The following ANKRD36 variants were observed in gnomAD, a reference collection of about 807,000 sequenced individuals.
ANKRD36 encodes ankyrin repeat domain-containing protein 36A.
A neutral mutation model predicts 278.1 loss-of-function variants in ANKRD36; 179 were observed. The observed-to-expected ratio is 0.64, with a 90% CI of 0.57 to 0.73. The LOEUF (loss-of-function observed/expected upper bound fraction) is 0.73, where lower values mean the gene tolerates loss of function less well. Among genes scored for constraint, ANKRD36 ranks in the 30% least tolerant of loss-of-function variants. The pLI, the probability that ANKRD36 is intolerant of heterozygous loss-of-function variation, is 0.00. For missense variants in ANKRD36, 1,159 were observed against 1,956.7 expected (o/e 0.59, Z 7.69); for synonymous variants, 320 against 641.1 (o/e 0.50, Z 7.57).
intron 15 of ANKRD36, among the ~76,000 whole-genome samples, chr2:97,157,133 C>CTCTCTG (rs1553602349): frequency 2.1e-3 from 303 of 142,894 alleles, no homozygotes; most frequent in African/African-American, 3.6e-3. Flanking sequence ...TTTTTTTCCT[C>CTCTCTG]TCTCTCTCTC....
intron 66 of ANKRD36, among the ~76,000 whole-genome samples, chr2:97,220,773 T>TTA (rs1352758805): frequency 1.8e-5 from 2 of 111,160 alleles, no homozygotes; most frequent in Non-Finnish European, 3.3e-5. Context: ...TTTTTTTTTT[T>TTA]AATTTTTTTT....
chr2:97,182,857 C>T (rs954369039), intron 26 of ANKRD36, among the ~76,000 whole-genome samples: 7 of 151,714 alleles, frequency 4.6e-5, no homozygotes, highest in East Asian at 1.9e-4. Context: ...AATGTAGGCA[C>T]ATTATTACAC....
chr2:97,211,029 A>G (rs1274560829), intron 56 of ANKRD36, among the ~76,000 whole-genome samples: 1 of 151,902 alleles, frequency 6.6e-6, no homozygotes, highest in Non-Finnish European at 1.5e-5. Context: ...TGATCAATTT[A>G]GGACACTTCC....
intron 6 of ANKRD36, among the ~76,000 whole-genome samples, chr2:97,131,510 T>A (rs2040144516): frequency 1.3e-5 from 2 of 152,074 alleles, no homozygotes. Context: ...TAACTTCCTT[T>A]ATTCCCCAAA....
intron 12 of ANKRD36, 74 bp from the exon 13 acceptor site, chr2:97,151,805 T>C (rs981460254): frequency 1.0e-6 from 1 of 965,208 alleles, no homozygotes; most frequent in Non-Finnish European, 1.6e-6. Context: ...TGTTAGATCA[T>C]GTAGTAATGG....
chr2:97,149,273 G>A (rs1404895558), intron 11 of ANKRD36, 22 bp from the exon 12 acceptor site: 23 of 1,527,418 alleles, frequency 1.5e-5, no homozygotes, highest in Non-Finnish European at 1.9e-5. Context: ...GCTCATTTTT[G>A]TAATATCTTT....
intron 52 of ANKRD36, among the ~76,000 whole-genome samples, chr2:97,206,411 T>G (rs13028622): frequency 0.59 from 89,809 of 151,122 alleles, 30,408 homozygotes; most frequent in Non-Finnish European, 0.78. Context: ...AGCATAGTTT[T>G]GCTTTAATCC....
Position 97,124,500 on chromosome 2 carries a change from A to G in ANKRD36, c.634A>G (p.Ile212Val), listed in dbSNP as rs1316226168. Residue 212 changes from isoleucine (I) to valine (V), a missense_variant, in exon 5 of 76, where the codon ATA becomes GTA. Transcript: ENST00000420699. ...TGCTGTTACTCTTGGAGAAAAAGATATAGTCATTCTTCTTCTGCAGCACAA... is the reference window on the plus strand; with the variant it reads ...TGCTGTTACTCTTGGAGAAAAAGATGTAGTCATTCTTCTTCTGCAGCACAA... Reference protein sequence around the residue: ...IHAVTLGEKDIVILLLQHNID... With the variant: ...IHAVTLGEKDVVILLLQHNID... 3 of 1,551,898 alleles carry G rather than the reference A, an allele frequency of 1.9e-6. No individual in the cohort carries two copies. Among genetic ancestry groups the G allele is most frequent in the East Asian group, 2.4e-5 (1 of 41,140 alleles).
chr2:97,221,736 C>T (rs1456474840), intron 66 of ANKRD36, among the ~76,000 whole-genome samples: 1 of 150,322 alleles, frequency 6.7e-6, no homozygotes, highest in South Asian at 2.2e-4. Flanking sequence ...GTTGCCTGTT[C>T]ACTCGGATGG....
chr2:97,191,283 T>G, intron 36 of ANKRD36, 102 bp downstream of exon 36: 1 of 1,276,832 alleles, frequency 7.8e-7, no homozygotes, highest in Non-Finnish European at 1.1e-6. Context: ...CTGCACATTA[T>G]CATTCAGCTG....
rs1574948372 is a variant in ANKRD36, at chr2:97,149,412, T to C, written c.1101+51T>C. The C allele has an allele frequency of 1.2e-5, 17 of 1,417,450 alleles. No individual in the cohort carries two copies. In the East Asian group the frequency reaches 4.4e-4, roughly 37 times the overall value. 87.8% of individuals were successfully genotyped at this position (1,417,450 alleles called of 1,614,324 possible). A position where few individuals can be genotyped will look rare whatever the true frequency, so the allele number is the denominator to read the frequency against. On this transcript the variant is annotated intron_variant, in intron 12 of 75. Coordinates refer to ENST00000420699, the MANE Select transcript of ANKRD36 (RefSeq NM_001354587.1). ...TTTTCTCCCTCTGAATCTCATTTTT[T>C]ATATTATTTTCTTCTAAAACTTAGC...
chr2:97,157,342 A>G (rs1369739810), intron 15 of ANKRD36, among the ~76,000 whole-genome samples: 9 of 151,258 alleles, frequency 6.0e-5, no homozygotes, highest in African/African-American at 2.2e-4. Flanking sequence ...CTCATATTTG[A>G]TTGACTGGTC....
chr2:97,124,398 A>G, intron 4 of ANKRD36, 62 bp from the exon 5 acceptor site: 1 of 1,503,558 alleles, frequency 6.7e-7, no homozygotes, highest in Non-Finnish European at 8.9e-7. Context: ...AAGTTGATAA[A>G]GTATATAAAC....
chr2:97,195,084 A>G (rs1330342931), intron 40 of ANKRD36, among the ~76,000 whole-genome samples, 167 bp downstream of exon 40: 9 of 151,992 alleles, frequency 5.9e-5, no homozygotes, highest in Non-Finnish European at 1.0e-4. Flanking sequence ...CTGGTCTGGA[A>G]CATGATCTTC....
intron 67 of ANKRD36, among the ~76,000 whole-genome samples, chr2:97,229,925 G>C (rs1356389927): frequency 1.3e-5 from 2 of 152,010 alleles, no homozygotes; most frequent in Non-Finnish European, 2.9e-5. Context: ...ATGAAATTCT[G>C]GGTTGAAAAT....
intron 48 of ANKRD36, among the ~76,000 whole-genome samples, chr2:97,203,333 A>G (rs1290392819): frequency 6.6e-6 from 1 of 151,862 alleles, no homozygotes; most frequent in East Asian, 1.9e-4. Context: ...TGCTTGTAGC[A>G]GTTTCACTTT....
In ANKRD36 at chr2:97,113,927, G is replaced by A. The variant is rs779060468; in HGVS notation, c.188G>A (p.Arg63Lys). The A allele has an allele frequency of 8.7e-6, 14 of 1,612,192 alleles. No homozygotes were observed. In the African/African-American group the frequency reaches 1.9e-4, roughly 22 times the overall value. The change falls in exon 1 of 76, where the codon AGG (arginine) becomes AAG (lysine). Residue 63 changes from arginine (R) to lysine (K), a missense_variant. By Grantham distance (26) the Arg-to-Lys change is conservative. Coordinates refer to ENST00000420699, the MANE Select transcript of ANKRD36 (RefSeq NM_001354587.1). ...LTYYDANKRD[R>K]KERTALHLAC... ...TATTATGACGCCAATAAGAGAGACA[G>A]GAAGGAAAGGTAATGGGGGCCGGGA...
intron 17 of ANKRD36, among the ~76,000 whole-genome samples, chr2:97,159,869 C>T (rs1460898026): frequency 6.6e-6 from 1 of 151,810 alleles, no homozygotes; most frequent in East Asian, 1.9e-4. Context: ...GCAAGCTCCA[C>T]CTCCCGGGTT....
chr2:97,199,042 G>A (rs2060567028), intron 44 of ANKRD36, among the ~76,000 whole-genome samples: 1 of 151,916 alleles, frequency 6.6e-6, no homozygotes, highest in Non-Finnish European at 1.5e-5. Flanking sequence ...AAAGCTTGTT[G>A]TAACAACCCG....
Sources: gnomAD v4.1 joint callset for allele counts (sites outside exome capture counted in the v4.1 genomes callset) on GRCh38, gnomAD v4.1.1 for gene constraint, MANE v1.5 for transcripts, NCBI Gene and HGNC (gene_info 2026-07-23, HGNC 2026-07-21) for gene names.